The following MCC variants were observed in gnomAD, a reference collection of about 807,000 sequenced individuals.
MCC encodes the protein MCC regulator of Wnt signaling pathway.
In MCC, 90 loss-of-function variants were observed where a neutral mutation model predicts 116.2. The observed-to-expected ratio is 0.77, with a 90% confidence interval of 0.65 to 0.92. The LOEUF (loss-of-function observed/expected upper bound fraction) is 0.92, where lower values mean the gene tolerates loss of function less well. Ranked by LOEUF, MCC falls within the 40% of genes least tolerant of loss-of-function variation. The pLI is 0.00. For synonymous variants in MCC, 578 were observed against 510.5 expected, an observed-to-expected ratio of 1.13 and a Z score of -1.78; for missense variants, 1,516 against 1,312.2, an observed-to-expected ratio of 1.16 and a Z score of -2.40.
chr5:113,054,424 G>A (rs1752679831), intron 14 of MCC, among the ~76,000 whole-genome samples: 1 of 152,208 alleles, frequency 6.6e-6, no homozygotes. Flanking sequence ...TACTCATGTG[G>A]TCAGAACTTA....
chr5:113,037,389 C>T (rs1751393987), intron 17 of MCC, among the ~76,000 whole-genome samples: 1 of 152,124 alleles, frequency 6.6e-6, no homozygotes, highest in South Asian at 2.1e-4. Context: ...CTGTGGGCCA[C>T]TGATGGGTAA....
At chr5:113,181,231 T>A (rs1229393340) in intron 3 of MCC, among the ~76,000 whole-genome samples, 1 of 152,228 alleles carries the variant, frequency 6.6e-6, no homozygotes, top group Non-Finnish European at 1.5e-5. Flanking sequence ...AAAGCCTGGA[T>A]GTGCACAGGC....
chr5:113,242,129 A>G (rs1183227123), intron 3 of MCC, among the ~76,000 whole-genome samples: 1 of 152,234 alleles, frequency 6.6e-6, no homozygotes, highest in Admixed American at 6.5e-5. Context: ...GTAGACCAAT[A>G]CTGCAAGGTA....
intron 3 of MCC, among the ~76,000 whole-genome samples, chr5:113,264,276 A>G (rs1451110116): frequency 2.0e-5 from 3 of 152,180 alleles, no homozygotes; most frequent in African/African-American, 4.8e-5. Context: ...TTCTCTATAT[A>G]AATACGAAAA....
intron 3 of MCC, among the ~76,000 whole-genome samples, chr5:113,275,537 A>G (rs1374824337): frequency 6.6e-6 from 1 of 152,194 alleles, no homozygotes; most frequent in Non-Finnish European, 1.5e-5. Context: ...AGCTTCCTAC[A>G]TTAGATTGGT....
chr5:113,424,132 T>TACACACACACACACACAC lies in MCC; in HGVS notation c.171-38938_171-38921dup, dbSNP rs547192248. ...TCCCACTGGTCAAAAAGTCATCCTC[T>TACACACACACACACACAC]ACACACACACACACACACACACACA... On this transcript the variant is annotated intron_variant, in intron 1 of 18. Transcript: ENST00000408903. Among the ~76,000 whole-genome samples, 61 of 112,702 alleles carry TACACACACACACACACAC rather than the reference T, an allele frequency of 5.4e-4. 3 individuals carry two copies. The highest frequency in any genetic ancestry group is 1.7e-3 in the African/African-American group (50 of 29,278). 73.9% of individuals were successfully genotyped at this position (112,702 alleles called of 152,430 possible). A position where few individuals can be genotyped will look rare whatever the true frequency, so the allele number is the denominator to read the frequency against.
chr5:113,233,432 T>G (rs1251608608), intron 3 of MCC, among the ~76,000 whole-genome samples: 1 of 152,212 alleles, frequency 6.6e-6, no homozygotes, highest in African/African-American at 2.4e-5. Flanking sequence ...ACCAAGGTAT[T>G]CATACTACCT....
chr5:113,371,542 G>A (rs898839567), intron 2 of MCC, among the ~76,000 whole-genome samples: 3 of 152,130 alleles, frequency 2.0e-5, no homozygotes, highest in Non-Finnish European at 2.9e-5. Flanking sequence ...TGACAAATAT[G>A]CATGCATAAA....
intron 15 of MCC, among the ~76,000 whole-genome samples, chr5:113,051,197 G>A (rs1052251414): frequency 1.3e-5 from 2 of 151,920 alleles, no homozygotes; most frequent in African/African-American, 4.8e-5. Flanking sequence ...GGATCCTCAG[G>A]GCCCCACGGA....
At chr5:113,305,701 A>C (rs934970942) in intron 3 of MCC, among the ~76,000 whole-genome samples, 1 of 152,116 alleles carries the variant, frequency 6.6e-6, no homozygotes, top group African/African-American at 2.4e-5. Flanking sequence ...TAGCCCAGCG[A>C]TTTTTCTCCA....
chr5:113,293,014 TA>T (rs1455047218), intron 3 of MCC, among the ~76,000 whole-genome samples: 1 of 152,200 alleles, frequency 6.6e-6, no homozygotes, highest in Non-Finnish European at 1.5e-5. Flanking sequence ...TTGAGTCTTC[TA>T]CATCACAGGG....
intron 15 of MCC, among the ~76,000 whole-genome samples, chr5:113,051,858 T>C (rs967146572): frequency 8.5e-5 from 13 of 152,120 alleles, no homozygotes; most frequent in African/African-American, 2.9e-4. Flanking sequence ...TCCTAGAAAC[T>C]GGTGAAAATC....
At chr5:113,234,697 A>C (rs1244639835) in intron 3 of MCC, 1 of 151,968 alleles carries the variant, frequency 6.6e-6, no homozygotes, top group Non-Finnish European at 1.5e-5. Flanking sequence ...TTAAAACAGG[A>C]CTCTTCTTCC....
At position 113,049,147 on chromosome 5, in the gene MCC, C is replaced by G; in HGVS notation, c.2601G>C (p.Gln867His). ...LKSEVEEQKEQRMRSLSSTSS... is the reference protein window; with the variant it reads ...LKSEVEEQKEHRMRSLSSTSS... ...TGGTGGAGCTGAGGGATCGCATCCGCTGCTCCTTCTGCTCCTCCACCTCGG... is the reference window on the plus strand; with the variant it reads ...TGGTGGAGCTGAGGGATCGCATCCGGTGCTCCTTCTGCTCCTCCACCTCGG... The change falls in exon 16 of 19, where the codon CAG becomes CAC. Residue 867 changes from glutamine to histidine, a missense_variant. Transcript: ENST00000408903. 1 of 1,614,250 alleles carries G rather than the reference C, an allele frequency of 6.2e-7. No individual in the cohort carries two copies. Among genetic ancestry groups the G allele is most frequent in the Non-Finnish European group, 8.5e-7 (1 of 1,180,046 alleles).
intron 15 of MCC, 37 bp from the exon 16 acceptor site, chr5:113,049,336 C>G (rs1752336041): frequency 1.3e-6 from 2 of 1,509,222 alleles, no homozygotes; most frequent in South Asian, 1.3e-5. Flanking sequence ...TGAGGCATGC[C>G]CTATCTGAGA....
intron 1 of MCC, among the ~76,000 whole-genome samples, chr5:113,438,298 G>A (rs950889278): frequency 6.6e-6 from 1 of 152,040 alleles, no homozygotes; most frequent in African/African-American, 2.4e-5. Context: ...GGTTCCATCT[G>A]CCGTACGGTG....
At chr5:113,073,026 T>C (rs1410964290) in intron 11 of MCC, among the ~76,000 whole-genome samples, 2 of 152,030 alleles carry the variant, frequency 1.3e-5, no homozygotes, top group East Asian at 1.9e-4. Flanking sequence ...GTGGGCTGCA[T>C]GGGGCCCAAC....
intron 3 of MCC, among the ~76,000 whole-genome samples, chr5:113,230,454 T>G (rs1435176916): frequency 6.6e-6 from 1 of 152,222 alleles, no homozygotes; most frequent in Non-Finnish European, 1.5e-5. Context: ...AATCAAATTC[T>G]TATATGCAAC....
chr5:113,344,760 T>C (rs984605576), intron 2 of MCC, among the ~76,000 whole-genome samples: 7 of 151,936 alleles, frequency 4.6e-5, no homozygotes, highest in South Asian at 2.1e-4. Flanking sequence ...TAAAGAGTCA[T>C]TGGGCCCCGA....
Sources: allele counts gnomAD v4.1 joint callset (sites outside exome capture counted in the v4.1 genomes callset), GRCh38; gene constraint gnomAD v4.1.1; transcripts MANE v1.5; gene names NCBI Gene and HGNC (gene_info 2026-07-23, HGNC 2026-07-21).